GANC: variants seen among roughly 807,000 people sequenced by gnomAD.
GANC encodes glucosidase alpha, neutral C, also known as neutral alpha-glucosidase C.
A neutral mutation model predicts 124.2 loss-of-function variants in GANC; 117 were observed. The ratio of observed to expected loss-of-function variants is 0.94; its 90% confidence interval spans 0.81 to 1.10. The LOEUF (loss-of-function observed/expected upper bound fraction) is 1.10. GANC is among the 50% of genes least tolerant of loss of function. The probability of loss-of-function intolerance (pLI) is 0.00; values close to 1 mark genes in which losing one functional copy is unlikely to be tolerated. For synonymous variants in GANC, 377 were observed against 376.8 expected (o/e 1.00, Z -0.01); for missense variants, 1,140 against 1,095.0 (o/e 1.04, Z -0.58).
Position 42,295,290 on chromosome 15 carries a change from A to G in GANC, c.513-2321A>G, listed in dbSNP as rs375474550. Among the ~76,000 whole-genome samples the G allele has an allele frequency of 3.3e-4, 50 of 152,088 alleles. 2 individuals are homozygous for G. In the East Asian group the frequency reaches 9.5e-3, roughly 29 times the overall value. ...CGCCCCGCCTGTAGTTTTCATAGGT[A>G]TTGCCAAATTGCCTTCCATAGAGGT... On this transcript the variant is annotated intron_variant, in intron 5 of 23. Coordinates refer to ENST00000318010, the MANE Select transcript of GANC (RefSeq NM_198141.3).
chr15:42,314,172 G>A lies in GANC; in HGVS notation c.1057+3326G>A, dbSNP rs28537979. On this transcript the variant is annotated intron_variant, in intron 10 of 23. Transcript: ENST00000318010. The stretch of plus-strand genomic sequence containing the variant: ...TGAAGAAAAATTCAGATTGGATATG[G>A]GATTGGACAAGTTGGCCAGAAAATA... 4.9e-3 allele frequency: 3,703 copies of A among 761,570 alleles called. 96 individuals carry two copies. The African/African-American group carries it at 0.057, about 12-fold the overall frequency. 47.2% of individuals were successfully genotyped at this position (761,570 alleles called of 1,614,324 possible). A position where few individuals can be genotyped will look rare whatever the true frequency, so the allele number is the denominator to read the frequency against.
intron 6 of GANC, 28 bp downstream of exon 6, chr15:42,297,684 A>T: frequency 6.6e-7 from 1 of 1,521,732 alleles, no homozygotes; most frequent in South Asian, 1.2e-5. Flanking sequence ...ATTTATTGTT[A>T]TCTTTTTCAC....
chr15:42,325,770 T>G (rs1173321427), intron 11 of GANC, among the ~76,000 whole-genome samples: 1 of 152,162 alleles, frequency 6.6e-6, no homozygotes, highest in African/African-American at 2.4e-5. Context: ...TTTTTTTCTT[T>G]TTTAGAGATG....
In GANC at chr15:42,351,432, G is replaced by T. The variant is rs372463328; in HGVS notation, c.2635G>T (p.Asp879Tyr). 1.2e-6 allele frequency: 2 copies of T among 1,605,604 alleles called. No individual in the cohort carries two copies. Among genetic ancestry groups the T allele is most frequent in the African/African-American group, 2.7e-5 (2 of 74,704 alleles). The change falls in exon 23 of 24, where the codon GAT becomes TAT. Residue 879 changes from aspartate (D) to tyrosine (Y), a missense_variant and splice_region_variant. Coordinates refer to ENST00000318010, the MANE Select transcript of GANC (RefSeq NM_198141.3). ...ATCTTCTGTGACTACCCACTCATCT[G>T]GTGAGAAAGCAGTCCATTCTTACCT... is the stretch of plus-strand genomic sequence containing the variant. Reference protein sequence around the residue: ...EPSSVTTHSSDGKDQPVAFTY... With the variant: ...EPSSVTTHSSYGKDQPVAFTY...
chr15:42,297,650 C>A lies in GANC; in HGVS notation c.552C>A (p.Thr184=). Residue 184 remains threonine, a synonymous_variant, in exon 6 of 24, where the codon ACC becomes ACA. Coordinates refer to ENST00000318010, the MANE Select transcript of GANC (RefSeq NM_198141.3). ...KENEEETSVD[T]SQENQEDLGL... ...ATGAGGAGGAGACATCAGTGGACACCTCTCAGGTAATCTAGATTGATCCAT... is the reference window on the plus strand; with the variant it reads ...ATGAGGAGGAGACATCAGTGGACACATCTCAGGTAATCTAGATTGATCCAT... 6.2e-7 allele frequency: 1 copy of A among 1,606,612 alleles called. No individual in the cohort carries two copies. Among genetic ancestry groups the A allele is most frequent in the Non-Finnish European group, 8.5e-7 (1 of 1,174,186 alleles).
At chr15:42,343,245 G>T in intron 19 of GANC, 91 bp downstream of exon 19, 2 of 1,093,832 alleles carry the variant, frequency 1.8e-6, no homozygotes, top group Non-Finnish European at 2.8e-6. Flanking sequence ...TCATGTGTTT[G>T]TGAACACACC....
chr15:42,317,522 A>C (rs1243593806), intron 10 of GANC, among the ~76,000 whole-genome samples: 1 of 152,184 alleles, frequency 6.6e-6, no homozygotes, highest in Non-Finnish European at 1.5e-5. Context: ...TGAATTGGAC[A>C]CTTGGAAATG....
Position 42,349,511 on chromosome 15 carries a change from G to A in GANC, c.2531+16G>A. ...TGATCAATAGGTAATGGCAGCTAAA[G>A]AAACTGTTTGTTTTCTTAAGTAAAT... On this transcript the variant is annotated intron_variant, in intron 22 of 23. Coordinates refer to ENST00000318010, the MANE Select transcript of GANC (RefSeq NM_198141.3). The A allele has an allele frequency of 7.0e-7, 1 of 1,418,740 alleles. No homozygotes were observed. The allele number at this position is 1,418,740 out of a possible 1,614,324, so 87.9% of individuals were successfully genotyped here. A position where few individuals can be genotyped will look rare whatever the true frequency, so the allele number is the denominator to read the frequency against.
At chr15:42,338,850 AAGTC>A (rs2052304460) in intron 16 of GANC, among the ~76,000 whole-genome samples, 1 of 152,202 alleles carries the variant, frequency 6.6e-6, no homozygotes, top group Non-Finnish European at 1.5e-5. Context: ...GCAAATCAGA[AAGTC>A]AGCCTTACAG....
intron 15 of GANC, among the ~76,000 whole-genome samples, chr15:42,332,654 C>T (rs934146698): frequency 3.9e-5 from 6 of 152,000 alleles, no homozygotes; most frequent in Non-Finnish European, 7.4e-5. Context: ...TATGTAAATA[C>T]GTACATATCT....
Position 42,292,926 on chromosome 15 carries a change from A to C in GANC, c.512+9A>C, listed in dbSNP as rs2051855558. ...ATTCTTCACAAACAAAGGTATTCTT[A>C]TGCATTACTTGACACATAAAGACCT... On this transcript the variant is annotated intron_variant, in intron 5 of 23. Transcript: ENST00000318010. 1 of 1,612,306 alleles carries C rather than the reference A, an allele frequency of 6.2e-7. No homozygotes were observed. Among genetic ancestry groups the C allele is most frequent in the Non-Finnish European group, 8.5e-7 (1 of 1,178,534 alleles).
chr15:42,295,216 C>T (rs2051879220), intron 5 of GANC, among the ~76,000 whole-genome samples: 1 of 151,924 alleles, frequency 6.6e-6, no homozygotes, highest in Non-Finnish European at 1.5e-5. Flanking sequence ...ACTCGTGATC[C>T]GCCCGCCTCA....
intron 20 of GANC, 131 bp downstream of exon 20, chr15:42,345,963 G>A: frequency 1.6e-6 from 1 of 638,572 alleles, no homozygotes; most frequent in South Asian, 2.0e-5. Flanking sequence ...TTGGAGGCTG[G>A]AAGTTCCAGA....
chr15:42,287,413 T>C (rs899439054), intron 3 of GANC, among the ~76,000 whole-genome samples: 2 of 152,170 alleles, frequency 1.3e-5, no homozygotes, highest in African/African-American at 4.8e-5. Context: ...TCAGTGTAAT[T>C]ATTAATAGAG....
At chr15:42,321,700 C>T in intron 10 of GANC, 85 bp from the exon 11 acceptor site, 1 of 1,151,350 alleles carries the variant, frequency 8.7e-7, no homozygotes, top group Non-Finnish European at 1.3e-6. Context: ...GTGCTGAATA[C>T]TCTGTAGACA....
chr15:42,313,729 A>T (rs1166083091), intron 10 of GANC: 2 of 274,320 alleles, frequency 7.3e-6, no homozygotes, highest in African/African-American at 2.3e-5. Context: ...GTACTTTAGC[A>T]ATGATAGGAA....
intron 10 of GANC, among the ~76,000 whole-genome samples, chr15:42,320,775 G>C (rs528208920): frequency 6.6e-6 from 1 of 152,082 alleles, no homozygotes; most frequent in South Asian, 2.1e-4. Context: ...GTGAGGCTCT[G>C]TGTGCCTAGA....
At chr15:42,275,589 T>TC (rs1555411372) in intron 1 of GANC, among the ~76,000 whole-genome samples, 1 of 151,716 alleles carries the variant, frequency 6.6e-6, no homozygotes, top group African/African-American at 2.4e-5. Context: ...TAATTTTTTT[T>TC]TCTCCTTATA....
chr15:42,273,457 T>G lies in GANC; in HGVS notation c.-1025T>G. Reference sequence around the variant, plus strand: ...TCACCCTCTTCCGGTTCGTCCCGCCTTCTTCCGGCTCTGCTCTAAGGGCGG... The same window carrying G: ...TCACCCTCTTCCGGTTCGTCCCGCCGTCTTCCGGCTCTGCTCTAAGGGCGG... On this transcript the variant is annotated 5_prime_UTR_variant, in exon 1 of 24. Coordinates refer to ENST00000318010, the MANE Select transcript of GANC (RefSeq NM_198141.3). The G allele has an allele frequency of 6.2e-7, 1 of 1,605,190 alleles. No individual in the cohort carries two copies. Among genetic ancestry groups the G allele is most frequent in the Non-Finnish European group, 8.5e-7 (1 of 1,176,572 alleles).
Sources: allele counts gnomAD v4.1 joint callset (sites outside exome capture counted in the v4.1 genomes callset), GRCh38; gene constraint gnomAD v4.1.1; transcripts MANE v1.5; gene names NCBI Gene and HGNC (gene_info 2026-07-23, HGNC 2026-07-21).